ULK4: variants seen among roughly 807,000 people sequenced by gnomAD.
The protein encoded by ULK4 is unc-51 like kinase 4, also known as inactive serine/threonine-protein kinase ULK4.
ULK4 carries 133 observed loss-of-function variants against 160.6 expected under a neutral mutation model. The observed-to-expected ratio is 0.83, with a 90% CI of 0.72 to 0.96. The LOEUF is 0.96. ULK4 is among the 40% of genes least tolerant of loss of function. ULK4 has a pLI of 0.00. For synonymous variants in ULK4, 534 were observed against 539.8 expected (o/e 0.99, Z 0.15); for missense variants, 1,580 against 1,499.5 (o/e 1.05, Z -0.89).
chr3:41,633,404 T>A lies in ULK4; in HGVS notation c.3072-17687A>T, dbSNP rs528967469. Among the ~76,000 whole-genome samples, 7 of 152,320 alleles carry A rather than the reference T, an allele frequency of 4.6e-5. No individual in the cohort carries two copies. The South Asian group carries it at 1.4e-3, about 32-fold the overall frequency. ...ATCCTGTGTATTCATTTACATACTGTCTGCGTTTGCTTTTATGATATAATG... is the reference window on the plus strand; with the variant it reads ...ATCCTGTGTATTCATTTACATACTGACTGCGTTTGCTTTTATGATATAATG... On this transcript the variant is annotated intron_variant, in intron 30 of 36. Coordinates refer to ENST00000301831, the MANE Select transcript of ULK4 (RefSeq NM_017886.4).
rs2084990850 is a variant in ULK4, at chr3:41,496,384, T to C, written c.3227-33131A>G. On this transcript the variant is annotated intron_variant, in intron 32 of 36. Coordinates refer to ENST00000301831, the MANE Select transcript of ULK4 (RefSeq NM_017886.4). The stretch of plus-strand genomic sequence containing the variant: ...TTCAAATGTCAGACAAAAAGCAATA[T>C]AAGACTCTGACTCCTGAGAGAGGAA... Among the ~76,000 whole-genome samples the C allele has an allele frequency of 2.6e-5, 4 of 151,956 alleles. No homozygotes were observed. The South Asian group carries it at 8.3e-4, about 31-fold the overall frequency.
chr3:41,832,151 C>G (rs960513446), intron 18 of ULK4, among the ~76,000 whole-genome samples: 1 of 152,210 alleles, frequency 6.6e-6, no homozygotes. Flanking sequence ...AATGTACATT[C>G]CCACCAACAG....
At chr3:41,818,693 C>A (rs1205991336) in intron 19 of ULK4, among the ~76,000 whole-genome samples, 4 of 152,158 alleles carry the variant, frequency 2.6e-5, no homozygotes, top group Non-Finnish European at 5.9e-5. Context: ...AAGTAGGAAG[C>A]AATGAACTCA....
intron 35 of ULK4, among the ~76,000 whole-genome samples, chr3:41,267,163 T>A (rs972854330): frequency 1.3e-5 from 2 of 152,106 alleles, no homozygotes; most frequent in East Asian, 3.9e-4. Flanking sequence ...TGCCTCCCCT[T>A]GCCCCGCATC....
intron 31 of ULK4, among the ~76,000 whole-genome samples, chr3:41,586,605 A>G (rs898889489): frequency 3.3e-5 from 5 of 152,180 alleles, no homozygotes; most frequent in African/African-American, 1.2e-4. Flanking sequence ...ATGTTAATAA[A>G]CTTCACATTT....
At chr3:41,638,097 C>T (rs1050901740) in intron 30 of ULK4, among the ~76,000 whole-genome samples, 2 of 152,006 alleles carry the variant, frequency 1.3e-5, no homozygotes, top group South Asian at 2.1e-4. Context: ...CAAAGATATA[C>T]CAATTTAAAA....
intron 20 of ULK4, among the ~76,000 whole-genome samples, chr3:41,794,685 A>AAAAAAAAAAAAAAAAAAAAAAAAAAC (rs1553654846): frequency 7.8e-6 from 1 of 129,028 alleles, no homozygotes; most frequent in Non-Finnish European, 1.6e-5. Flanking sequence ...AAAAAAAAAA[A>AAAAAAAAAAAAAAAAAAAAAAAAAAC]ACACAGAAAA....
intron 35 of ULK4, among the ~76,000 whole-genome samples, chr3:41,327,235 T>C (rs1048538900): frequency 6.6e-6 from 1 of 152,202 alleles, no homozygotes; most frequent in Non-Finnish European, 1.5e-5. Flanking sequence ...GAGCAATCTA[T>C]TGGAAGAACG....
chr3:41,305,272 T>G (rs1012787006), intron 35 of ULK4, among the ~76,000 whole-genome samples: 20 of 141,750 alleles, frequency 1.4e-4, no homozygotes, highest in Non-Finnish European at 2.7e-4. Flanking sequence ...AGTCTCCCTC[T>G]CATGCTGAGC....
chr3:41,282,680 C>T (rs916429690), intron 35 of ULK4, among the ~76,000 whole-genome samples: 3 of 152,190 alleles, frequency 2.0e-5, no homozygotes, highest in African/African-American at 4.8e-5. Context: ...AATGCAAGAA[C>T]TAAAACCATA....
At chr3:41,578,792 A>C (rs2029934219) in intron 31 of ULK4, among the ~76,000 whole-genome samples, 1 of 152,226 alleles carries the variant, frequency 6.6e-6, no homozygotes, top group South Asian at 2.1e-4. Context: ...TGGGAATAAT[A>C]AGGAAATTCT....
chr3:41,908,081 T>C, intron 11 of ULK4, 140 bp from the exon 12 acceptor site: 1 of 371,086 alleles, frequency 2.7e-6, no homozygotes, highest in Non-Finnish European at 4.7e-6. Flanking sequence ...AGTCTAGATC[T>C]AATTTATGTT....
chr3:41,935,231 T>A (rs1416804908), intron 4 of ULK4, among the ~76,000 whole-genome samples: 29 of 10,850 alleles, frequency 2.7e-3, no homozygotes, highest in African/African-American at 3.8e-3. Flanking sequence ...TTTTTTTTTT[T>A]TTTTTTTTTT....
intron 32 of ULK4, among the ~76,000 whole-genome samples, chr3:41,480,265 C>T (rs973367020): frequency 1.3e-5 from 2 of 150,890 alleles, no homozygotes; most frequent in African/African-American, 4.9e-5. Flanking sequence ...ATGGACATCC[C>T]ATTTCCTCAA....
In ULK4 at chr3:41,399,346, C is replaced by A. The variant is rs2082129132; in HGVS notation, c.3493-1082G>T. Among the ~76,000 whole-genome samples the A allele has an allele frequency of 1.3e-5, 2 of 151,976 alleles. 1 individual carries two copies. Among genetic ancestry groups the A allele is most frequent in the South Asian group, 4.1e-4 (2 of 4,824 alleles). ...CCCTTTGTCCATTTTAAAAATAGGTCATTTGTCTTTATATAGTTGAGTTCT... is the reference window on the plus strand; with the variant it reads ...CCCTTTGTCCATTTTAAAAATAGGTAATTTGTCTTTATATAGTTGAGTTCT... On this transcript the variant is annotated intron_variant, in intron 34 of 36. Coordinates refer to ENST00000301831, the MANE Select transcript of ULK4 (RefSeq NM_017886.4).
intron 36 of ULK4, among the ~76,000 whole-genome samples, chr3:41,248,698 C>G (rs1173132441): frequency 1.3e-5 from 2 of 152,232 alleles, no homozygotes; most frequent in African/African-American, 2.4e-5. Context: ...AAATGGCAGA[C>G]AGCATTCCAG....
chr3:41,402,517 T>C (rs1361098418), intron 34 of ULK4, among the ~76,000 whole-genome samples: 1 of 152,194 alleles, frequency 6.6e-6, no homozygotes, highest in East Asian at 1.9e-4. Context: ...CTTTATCAGG[T>C]TGGGAAGATT....
intron 32 of ULK4, among the ~76,000 whole-genome samples, chr3:41,472,858 A>G (rs550899060): frequency 1.8e-4 from 28 of 152,342 alleles, no homozygotes; most frequent in African/African-American, 6.5e-4. Flanking sequence ...ATAAATACAG[A>G]TGTAAAAATA....
chr3:41,771,245 T>A (rs1011114520), intron 21 of ULK4, among the ~76,000 whole-genome samples: 1 of 152,162 alleles, frequency 6.6e-6, no homozygotes, highest in Non-Finnish European at 1.5e-5. Context: ...TGTTCAAAAG[T>A]TAATTAGTTT....
Sources: gnomAD v4.1 joint callset for allele counts (sites outside exome capture counted in the v4.1 genomes callset) on GRCh38, gnomAD v4.1.1 for gene constraint, MANE v1.5 for transcripts, NCBI Gene and HGNC (gene_info 2026-07-23, HGNC 2026-07-21) for gene names.